The following LYPD6B variants were observed in gnomAD, a reference collection of about 807,000 sequenced individuals.
LYPD6B encodes ly6/PLAUR domain-containing protein 6B.
In LYPD6B, 17 loss-of-function variants were observed where a neutral mutation model predicts 22.8. The observed-to-expected ratio is 0.75, with a 90% CI of 0.51 to 1.12. The LOEUF (loss-of-function observed/expected upper bound fraction) is 1.12. Ranked by LOEUF, LYPD6B falls within the 50% of genes most tolerant of loss-of-function variation. The pLI, the probability that LYPD6B is intolerant of heterozygous loss-of-function variation, is 0.00. For missense variants in LYPD6B, 221 were observed against 258.3 expected, an observed-to-expected ratio of 0.86 and a Z score of 0.99; for synonymous variants, 106 against 91.6, an observed-to-expected ratio of 1.16 and a Z score of -0.90.
At chr2:149,099,596 C>A (rs574098234) in intron 1 of LYPD6B, among the ~76,000 whole-genome samples, 4 of 152,236 alleles carry the variant, frequency 2.6e-5, no homozygotes, top group African/African-American at 9.6e-5. Flanking sequence ...GAAGTGAGTC[C>A]CAATAACCAG....
chr2:149,124,466 A>G (rs1439473605), intron 1 of LYPD6B, among the ~76,000 whole-genome samples: 1 of 152,176 alleles, frequency 6.6e-6, no homozygotes, highest in Admixed American at 6.5e-5. Context: ...CGTGATGTTA[A>G]GTGGGCATCA....
chr2:149,075,056 C>T (rs1308005266), intron 1 of LYPD6B, among the ~76,000 whole-genome samples: 1 of 152,178 alleles, frequency 6.6e-6, no homozygotes, highest in Non-Finnish European at 1.5e-5. Flanking sequence ...CTTCGTATTT[C>T]ATAAAACATG....
chr2:149,128,098 A>G (rs891775952), intron 1 of LYPD6B, among the ~76,000 whole-genome samples: 1 of 152,218 alleles, frequency 6.6e-6, no homozygotes, highest in African/African-American at 2.4e-5. Flanking sequence ...ATTTCTTAAA[A>G]GAAAAAACAT....
At chr2:149,166,921 CA>C (rs1318343816) in intron 3 of LYPD6B, among the ~76,000 whole-genome samples, 1 of 152,114 alleles carries the variant, frequency 6.6e-6, no homozygotes, top group African/African-American at 2.4e-5. Context: ...AAAAACTTCT[CA>C]GGACAGCTTT....
chr2:149,087,102 A>G (rs1442230706), intron 1 of LYPD6B, among the ~76,000 whole-genome samples: 1 of 152,140 alleles, frequency 6.6e-6, no homozygotes, highest in African/African-American at 2.4e-5. Context: ...GGGGCATACA[A>G]TCAGCTCATA....
intron 3 of LYPD6B, among the ~76,000 whole-genome samples, chr2:149,182,817 G>T (rs1456592133): frequency 6.6e-6 from 1 of 152,192 alleles, no homozygotes; most frequent in Non-Finnish European, 1.5e-5. Flanking sequence ...TATTTTAATA[G>T]CCCACATTAC....
intron 3 of LYPD6B, 38 bp from the exon 4 acceptor site, chr2:149,205,215 A>C: frequency 6.4e-7 from 1 of 1,572,964 alleles, no homozygotes; most frequent in Non-Finnish European, 8.6e-7. Flanking sequence ...CTGATGTAAA[A>C]TATAAAGAAA....
chr2:149,097,429 T>G (rs1685955564), intron 1 of LYPD6B, among the ~76,000 whole-genome samples: 1 of 152,238 alleles, frequency 6.6e-6, no homozygotes, highest in Non-Finnish European at 1.5e-5. Flanking sequence ...GACACCCAAT[T>G]AAACCCGAAT....
intron 1 of LYPD6B, among the ~76,000 whole-genome samples, chr2:149,077,020 C>G (rs769092625): frequency 6.6e-6 from 1 of 152,138 alleles, no homozygotes; most frequent in Admixed American, 6.5e-5. Context: ...TTTGTAGCCC[C>G]GCAGCCCCAC....
intron 2 of LYPD6B, chr2:149,141,963 A>G (rs1450045755): frequency 6.6e-6 from 1 of 152,188 alleles, no homozygotes; most frequent in Admixed American, 6.5e-5. Flanking sequence ...TAGCTGCTGG[A>G]GAGAAAATAG....
At chr2:149,048,287 A>C (rs1395380437) in intron 1 of LYPD6B, among the ~76,000 whole-genome samples, 1 of 152,176 alleles carries the variant, frequency 6.6e-6, no homozygotes, top group African/African-American at 2.4e-5. Context: ...CTTTAGTGTG[A>C]AGATTGATCA....
chr2:149,209,160 G>A (rs911113357), intron 5 of LYPD6B, among the ~76,000 whole-genome samples: 2 of 152,146 alleles, frequency 1.3e-5, no homozygotes, highest in Non-Finnish European at 2.9e-5. Context: ...TAATAATTTG[G>A]ATTTTATTGT....
intron 3 of LYPD6B, among the ~76,000 whole-genome samples, chr2:149,191,020 A>G (rs531099214): frequency 6.6e-6 from 1 of 152,276 alleles, no homozygotes; most frequent in Non-Finnish European, 1.5e-5. Context: ...AAAAAAATAC[A>G]TTTTATCATG....
intron 1 of LYPD6B, among the ~76,000 whole-genome samples, chr2:149,044,635 A>G (rs1005891373): frequency 2.0e-5 from 3 of 152,032 alleles, no homozygotes; most frequent in Non-Finnish European, 2.9e-5. Context: ...GAATTGCAGT[A>G]CAATGTTGAA....
In LYPD6B at chr2:149,153,667, C is replaced by T. The variant is rs541865057; in HGVS notation, c.6-7097C>T. Among the ~76,000 whole-genome samples, 3 of 151,808 alleles carry T rather than the reference C, an allele frequency of 2.0e-5. No individual in the cohort carries two copies. In the East Asian group the frequency reaches 5.8e-4, roughly 30 times the overall value. ...GTGCGTTCCTGTAGCTCCAGCTACTCGGGAGGCTGAAGCAGGGGAATCACT... is the reference window on the plus strand; with the variant it reads ...GTGCGTTCCTGTAGCTCCAGCTACTTGGGAGGCTGAAGCAGGGGAATCACT... On this transcript the variant is annotated intron_variant, in intron 2 of 6. Coordinates refer to ENST00000409642, the MANE Select transcript of LYPD6B (RefSeq NM_177964.5).
intron 2 of LYPD6B, among the ~76,000 whole-genome samples, chr2:149,136,705 T>G (rs1291459353): frequency 6.6e-6 from 1 of 152,258 alleles, no homozygotes; most frequent in Non-Finnish European, 1.5e-5. Flanking sequence ...GCATTTGTCC[T>G]TGCTGACTTA....
chr2:149,088,984 T>C (rs1685523540), intron 1 of LYPD6B, among the ~76,000 whole-genome samples: 3 of 152,134 alleles, frequency 2.0e-5, no homozygotes, highest in Admixed American at 6.5e-5. Flanking sequence ...ATACTTCCTT[T>C]TGAAGAGTTC....
intron 1 of LYPD6B, among the ~76,000 whole-genome samples, chr2:149,081,121 G>A (rs1342094220): frequency 6.6e-6 from 1 of 152,136 alleles, no homozygotes; most frequent in Admixed American, 6.5e-5. Flanking sequence ...GAGGACTGCT[G>A]GGCCTTGTTT....
At chr2:149,068,659 CT>C in intron 1 of LYPD6B, 3 of 537,880 alleles carry the variant, frequency 5.6e-6, no homozygotes, top group Non-Finnish European at 1.1e-5. Context: ...ATTCACCTAC[CT>C]TTTGTCCCTT....
Sources: allele counts gnomAD v4.1 joint callset (sites outside exome capture counted in the v4.1 genomes callset), GRCh38; gene constraint gnomAD v4.1.1; transcripts MANE v1.5; gene names NCBI Gene and HGNC (gene_info 2026-07-23, HGNC 2026-07-21).